MUC22: variants seen among roughly 807,000 people sequenced by gnomAD.
MUC22 encodes mucin 22.
Under a neutral mutation model 40.3 loss-of-function variants are expected in MUC22, and 24 were observed. The ratio of observed to expected loss-of-function variants is 0.60; its 90% CI spans 0.43 to 0.84. The LOEUF (loss-of-function observed/expected upper bound fraction) is 0.84, where lower values mean the gene tolerates loss of function less well. Ranked by LOEUF, MUC22 falls within the 40% of genes least tolerant of loss-of-function variation. The pLI, the probability that MUC22 is intolerant of heterozygous loss-of-function variation, is 0.00. For synonymous variants in MUC22, 765 were observed against 844.5 expected (o/e 0.91, Z 1.63); for missense variants, 1,926 against 2,130.7 (o/e 0.90, Z 1.89).
At chr6:31,018,054 A>C (rs781744211) in intron 1 of MUC22, among the ~76,000 whole-genome samples, 15 of 152,232 alleles carry the variant, frequency 9.9e-5, no homozygotes, top group Non-Finnish European at 1.3e-4. Context: ...AACTCAGGAC[A>C]CACCACTTGT....
intron 1 of MUC22, among the ~76,000 whole-genome samples, chr6:31,017,956 C>T (rs913058972): frequency 5.3e-5 from 8 of 152,176 alleles, no homozygotes; most frequent in Middle Eastern, 3.2e-3. Context: ...ACACTCACTG[C>T]GAAAATCTGC....
intron 1 of MUC22, among the ~76,000 whole-genome samples, chr6:31,019,695 A>G (rs1364744827): frequency 2.0e-5 from 3 of 152,232 alleles, no homozygotes; most frequent in African/African-American, 7.2e-5. Flanking sequence ...TTCTACTAGA[A>G]ATACAAAAAT....
At chr6:31,017,578 G>T (rs996630123) in intron 1 of MUC22, among the ~76,000 whole-genome samples, 1 of 152,114 alleles carries the variant, frequency 6.6e-6, no homozygotes, top group South Asian at 2.1e-4. Flanking sequence ...CCTGTGTCTC[G>T]CTCAAGGTTT....
chr6:31,018,223 T>G (rs1037153384), intron 1 of MUC22, among the ~76,000 whole-genome samples: 1 of 152,152 alleles, frequency 6.6e-6, no homozygotes, highest in Non-Finnish European at 1.5e-5. Flanking sequence ...GATAAAACCC[T>G]AAGCTGTTAA....
chr6:31,029,419 A>G, exon 2 of MUC22: 1 of 1,534,728 alleles, frequency 6.5e-7, no homozygotes, highest in East Asian at 2.5e-5. Flanking sequence ...CACAGCCTCT[A>G]CCGCAGATTT....
chr6:31,010,265 G>T (rs138191030), upstream of MUC22, among the ~76,000 whole-genome samples: 2 of 152,148 alleles, frequency 1.3e-5, no homozygotes, highest in African/African-American at 4.8e-5. Flanking sequence ...CCCTCATTCT[G>T]CCTCCCTCCC....
intron 1 of MUC22, among the ~76,000 whole-genome samples, chr6:31,015,252 A>G (rs1764112015): frequency 6.6e-6 from 1 of 152,156 alleles, no homozygotes; most frequent in South Asian, 2.1e-4. Flanking sequence ...TGCTACTTTT[A>G]AGAATTGGCT....
At chr6:31,029,741 C>A (rs1481632415) in exon 2 of MUC22, 1 of 1,530,776 alleles carries the variant, frequency 6.5e-7, no homozygotes, top group Non-Finnish European at 8.7e-7. Flanking sequence ...GAGACCACCA[C>A]AGCCTCCACT....
rs1472705222 is a variant in MUC22 at position 31,026,529 on chromosome 6, C to A, written c.1098C>A (p.Thr366=). ...CAGTCTCTATCACAGGCACTGAGACCACCATGGTCTCTGCCATGGGCTCAG... is the reference window on the plus strand; with the variant it reads ...CAGTCTCTATCACAGGCACTGAGACAACCATGGTCTCTGCCATGGGCTCAG... The change falls in exon 2 of 4, where the codon ACC becomes ACA. Residue 366 remains threonine, a synonymous_variant. Transcript: ENST00000561890. 8.0e-6 allele frequency: 12 copies of A among 1,501,534 alleles called. No individual in the cohort carries two copies. In the African/African-American group the frequency reaches 1.7e-4, roughly 21 times the overall value. The allele number at this position is 1,501,534 out of a possible 1,614,324, so 93.0% of individuals were successfully genotyped here.
At chr6:31,024,545 C>A (rs1231918135) in intron 1 of MUC22, among the ~76,000 whole-genome samples, 1 of 151,918 alleles carries the variant, frequency 6.6e-6, no homozygotes. Flanking sequence ...ACCTTTCTAC[C>A]ATGGTATTTT....
chr6:31,014,183 C>A lies in MUC22; in HGVS notation c.70+3407C>A, dbSNP rs542243549. On this transcript the variant is annotated intron_variant, in intron 1 of 3. Coordinates refer to ENST00000561890, the Ensembl canonical transcript of MUC22. ...ATATAATTGCATTGTGATGACCATCCGTTCTTGTAATTTTTGTTTTTCTAG... is the reference window on the plus strand; with the variant it reads ...ATATAATTGCATTGTGATGACCATCAGTTCTTGTAATTTTTGTTTTTCTAG... 4.0e-5 allele frequency among the ~76,000 whole-genome samples: 6 copies of A among 151,880 alleles called. No individual in the cohort carries two copies. The South Asian group carries it at 1.2e-3, about 32-fold the overall frequency.
At chr6:31,012,238 G>T (rs3869095) in intron 1 of MUC22, among the ~76,000 whole-genome samples, 1 of 152,024 alleles carries the variant, frequency 6.6e-6, no homozygotes, top group Non-Finnish European at 1.5e-5. Flanking sequence ...GATTTGGAGT[G>T]CTTCCCCCTT....
At chr6:31,022,321 T>C (rs1362454210) in intron 1 of MUC22, among the ~76,000 whole-genome samples, 3 of 152,176 alleles carry the variant, frequency 2.0e-5, no homozygotes, top group African/African-American at 4.8e-5. Flanking sequence ...AGCCACACCA[T>C]GCCTGGCTAA....
intron 1 of MUC22, among the ~76,000 whole-genome samples, chr6:31,021,006 C>T (rs1764673516): frequency 6.8e-6 from 1 of 147,032 alleles, no homozygotes; most frequent in Non-Finnish European, 1.5e-5. Context: ...GCCTCCCACC[C>T]CCTCCATGGG....
chr6:31,007,752 T>C (rs1763606920), upstream of MUC22, among the ~76,000 whole-genome samples: 1 of 152,180 alleles, frequency 6.6e-6, no homozygotes, highest in African/African-American at 2.4e-5. The surrounding 1 kb of genome is among the most constrained non-coding windows in gnomAD (Gnocchi z 4.0). Flanking sequence ...TGTGCGAAAC[T>C]AATCTCTTAC....
At chr6:31,009,654 C>G (rs1397182380), upstream of MUC22, among the ~76,000 whole-genome samples, 1 of 152,190 alleles carries the variant, frequency 6.6e-6, no homozygotes, top group African/African-American at 2.4e-5. Context: ...TTTCCAACCC[C>G]AGGCTTCCCT....
chr6:31,021,059 C>T (rs1477483766), intron 1 of MUC22, among the ~76,000 whole-genome samples: 1 of 152,254 alleles, frequency 6.6e-6, no homozygotes, highest in East Asian at 1.9e-4. Flanking sequence ...CCGCCCCCTG[C>T]TCCAGGGCGC....
chr6:31,025,821 C>T, exon 2 of MUC22: 1 of 1,533,244 alleles, frequency 6.5e-7, no homozygotes, highest in Non-Finnish European at 8.7e-7. Context: ...CTATCGTGGC[C>T]TCCACCACAG....
At chr6:31,022,355 G>A (rs1411783430) in intron 1 of MUC22, among the ~76,000 whole-genome samples, 2 of 152,028 alleles carry the variant, frequency 1.3e-5, no homozygotes, top group African/African-American at 2.4e-5. Flanking sequence ...GTACAGATGG[G>A]GGTTCTCAAT....
Sources: gnomAD v4.1 joint callset for allele counts (sites outside exome capture counted in the v4.1 genomes callset) on GRCh38, gnomAD v4.1.1 for gene constraint, Gnocchi (gnomAD v3.1) non-coding constraint, MANE v1.5 for transcripts, NCBI Gene and HGNC (gene_info 2026-07-23, HGNC 2026-07-21) for gene names.